Variants in MIPOL1 observed in about 807,000 individuals in gnomAD.
MIPOL1 encodes mirror-image polydactyly 1.
MIPOL1 carries 57 observed loss-of-function variants against 60.9 expected under a neutral mutation model. The observed-to-expected ratio is 0.94, with a 90% CI of 0.76 to 1.17. The LOEUF (loss-of-function observed/expected upper bound fraction) is 1.17, where lower values mean the gene tolerates loss of function less well. MIPOL1 is among the 50% of genes most tolerant of loss of function. MIPOL1 has a pLI of 0.00. For missense variants in MIPOL1, 551 were observed against 511.6 expected (o/e 1.08, Z -0.74); for synonymous variants, 179 against 168.8 (o/e 1.06, Z -0.47).
intron 10 of MIPOL1, among the ~76,000 whole-genome samples, chr14:37,415,586 G>C (rs545669786): frequency 7.0e-6 from 1 of 143,282 alleles, no homozygotes; most frequent in Non-Finnish European, 1.5e-5. Flanking sequence ...CCGAGATTGC[G>C]TCACTGCACT....
chr14:37,481,623 T>C (rs150545891), intron 11 of MIPOL1, among the ~76,000 whole-genome samples: 1,367 of 122,864 alleles, frequency 0.011, 26 homozygotes, highest in African/African-American at 0.042. Flanking sequence ...CGAAACCACA[T>C]AGCCAAGGGA....
intron 9 of MIPOL1, among the ~76,000 whole-genome samples, chr14:37,314,334 A>T (rs541506478): frequency 1.3e-5 from 2 of 152,188 alleles, no homozygotes; most frequent in Non-Finnish European, 2.9e-5. Context: ...CACTGTTCAG[A>T]TTCCTTTACC....
intron 10 of MIPOL1, among the ~76,000 whole-genome samples, chr14:37,387,472 A>G (rs1282131505): frequency 1.3e-5 from 2 of 151,888 alleles, no homozygotes; most frequent in Non-Finnish European, 2.9e-5. Context: ...GGATTCTCGT[A>G]GGGCTATTAA....
At chr14:37,254,627 A>T (rs993939885) in intron 3 of MIPOL1, among the ~76,000 whole-genome samples, 1 of 151,748 alleles carries the variant, frequency 6.6e-6, no homozygotes, top group Non-Finnish European at 1.5e-5. Context: ...TAATCCATAA[A>T]TTCTTAGTAG....
At chr14:37,391,046 T>C (rs2093222512) in intron 10 of MIPOL1, among the ~76,000 whole-genome samples, 1 of 151,994 alleles carries the variant, frequency 6.6e-6, no homozygotes, top group Non-Finnish European at 1.5e-5. Flanking sequence ...AAAAAGTTGT[T>C]CAAAGAACAG....
intron 9 of MIPOL1, among the ~76,000 whole-genome samples, chr14:37,349,671 T>C (rs2091207234): frequency 6.6e-6 from 1 of 152,234 alleles, no homozygotes; most frequent in Admixed American, 6.5e-5. Context: ...TTGCAATTTC[T>C]TTACTCTGTT....
chr14:37,449,816 T>C (rs536075139), intron 11 of MIPOL1, among the ~76,000 whole-genome samples: 7 of 152,142 alleles, frequency 4.6e-5, no homozygotes, highest in Middle Eastern at 6.8e-3. Context: ...ATTTATTTAC[T>C]TAATTTATTT....
At chr14:37,337,058 G>C (rs1274692532) in intron 9 of MIPOL1, among the ~76,000 whole-genome samples, 1 of 151,844 alleles carries the variant, frequency 6.6e-6, no homozygotes, top group Non-Finnish European at 1.5e-5. Context: ...GATGTACTGG[G>C]TAAAAAGAGT....
At chr14:37,397,655 G>C (rs1418120337) in intron 10 of MIPOL1, among the ~76,000 whole-genome samples, 1 of 152,044 alleles carries the variant, frequency 6.6e-6, no homozygotes, top group Non-Finnish European at 1.5e-5. Context: ...ACTCTCCTTG[G>C]GTAGGGGATC....
intron 7 of MIPOL1, among the ~76,000 whole-genome samples, chr14:37,298,454 A>G (rs1222147866): frequency 6.6e-6 from 1 of 152,218 alleles, no homozygotes; most frequent in African/African-American, 2.4e-5. Context: ...GACAAATGGG[A>G]TCTAATTAAA....
intron 11 of MIPOL1, among the ~76,000 whole-genome samples, chr14:37,485,552 G>C (rs924720708): frequency 1.3e-5 from 2 of 152,114 alleles, no homozygotes; most frequent in African/African-American, 4.8e-5. Flanking sequence ...GTATCTCATT[G>C]TGGTTTTCAT....
At chr14:37,474,192 A>G (rs2094731590) in intron 11 of MIPOL1, among the ~76,000 whole-genome samples, 1 of 152,192 alleles carries the variant, frequency 6.6e-6, no homozygotes, top group Non-Finnish European at 1.5e-5. Flanking sequence ...GTTGTTTCCA[A>G]TCTAGGGAAA....
intron 12 of MIPOL1, among the ~76,000 whole-genome samples, chr14:37,520,026 G>T (rs1286709798): frequency 2.0e-5 from 3 of 152,020 alleles, no homozygotes; most frequent in African/African-American, 4.8e-5. Context: ...ATCAACAGGG[G>T]CCTGATTGCC....
intron 9 of MIPOL1, among the ~76,000 whole-genome samples, chr14:37,350,685 CT>C (rs559816277): frequency 1.3e-5 from 2 of 152,032 alleles, no homozygotes; most frequent in East Asian, 3.9e-4. Context: ...CTTCCTAACT[CT>C]TTTTTTGTAC....
At chr14:37,463,637 A>C (rs1425435295) in intron 11 of MIPOL1, among the ~76,000 whole-genome samples, 4 of 152,238 alleles carry the variant, frequency 2.6e-5, no homozygotes, top group African/African-American at 9.6e-5. Context: ...TAAACATAAG[A>C]TCTGAAACTA....
intron 6 of MIPOL1, among the ~76,000 whole-genome samples, chr14:37,282,011 G>A (rs1233857888): frequency 1.3e-5 from 2 of 151,792 alleles, no homozygotes; most frequent in African/African-American, 4.8e-5. Flanking sequence ...TACATAAATG[G>A]TAATGTCCTT....
At chr14:37,530,869 G>A (rs930200539) in intron 12 of MIPOL1, among the ~76,000 whole-genome samples, 3 of 151,798 alleles carry the variant, frequency 2.0e-5, no homozygotes, top group African/African-American at 7.3e-5. Flanking sequence ...CTAGGCTGGA[G>A]TGCAGTGGCA....
chr14:37,409,559 T>C (rs1203647458), intron 10 of MIPOL1, among the ~76,000 whole-genome samples: 1 of 152,112 alleles, frequency 6.6e-6, no homozygotes, highest in Non-Finnish European at 1.5e-5. Context: ...AGGCCACCGC[T>C]GGTGAATCAC....
intron 9 of MIPOL1, 46 bp downstream of exon 9, chr14:37,308,565 C>T (rs772118459): frequency 9.5e-6 from 13 of 1,365,270 alleles, no homozygotes; most frequent in East Asian, 7.9e-5. Context: ...CCATTTTCCT[C>T]TCTATTTTTT....
Sources: gnomAD v4.1 joint callset for allele counts (sites outside exome capture counted in the v4.1 genomes callset) on GRCh38, gnomAD v4.1.1 for gene constraint, MANE v1.5 for transcripts, NCBI Gene and HGNC (gene_info 2026-07-23, HGNC 2026-07-21) for gene names.